PCNX1: variants seen among roughly 807,000 people sequenced by gnomAD.
PCNX1 encodes pecanex-like protein 1.
Under a neutral mutation model 242.2 loss-of-function variants are expected in PCNX1, and 78 were observed. That is an observed-to-expected ratio of 0.32 (90% confidence interval 0.27 to 0.39). The LOEUF is 0.39. PCNX1 is among the 10% of genes least tolerant of loss of function. The pLI, the probability that PCNX1 is intolerant of heterozygous loss-of-function variation, is 1.00. For synonymous variants in PCNX1, 1,024 were observed against 1,032.9 expected (o/e 0.99, Z 0.17); for missense variants, 2,581 against 2,856.5 (o/e 0.90, Z 2.20).
intron 7 of PCNX1, among the ~76,000 whole-genome samples, chr14:70,994,079 G>A (rs142299968): frequency 1.8e-4 from 28 of 152,120 alleles, no homozygotes; most frequent in Non-Finnish European, 3.8e-4. Context: ...TTTTTCATAT[G>A]TTGTGTGCAT....
At chr14:70,923,757 A>T (rs2056470128) in intron 1 of PCNX1, among the ~76,000 whole-genome samples, 1 of 152,120 alleles carries the variant, frequency 6.6e-6, no homozygotes, top group Non-Finnish European at 1.5e-5. Flanking sequence ...CATTGCCTGG[A>T]TGTATTATTT....
intron 1 of PCNX1, among the ~76,000 whole-genome samples, chr14:70,939,980 G>C (rs2057167816): frequency 6.6e-6 from 1 of 151,970 alleles, no homozygotes. Flanking sequence ...CATTTGCTTG[G>C]TAGATCTTCC....
chr14:70,938,561 G>A (rs944353324), intron 1 of PCNX1, among the ~76,000 whole-genome samples: 4 of 152,204 alleles, frequency 2.6e-5, no homozygotes, highest in Non-Finnish European at 5.9e-5. Context: ...TTGCATCAGT[G>A]TTCATCAAGG....
intron 8 of PCNX1, 63 bp from the exon 9 acceptor site, chr14:71,009,571 A>G: frequency 2.2e-6 from 2 of 927,878 alleles, no homozygotes; most frequent in Non-Finnish European, 3.2e-6. Context: ...GAAATTTAGT[A>G]TATCATGAAG....
At chr14:71,081,404 C>T (rs1182250905) in intron 28 of PCNX1, among the ~76,000 whole-genome samples, 1 of 151,824 alleles carries the variant, frequency 6.6e-6, no homozygotes, top group African/African-American at 2.4e-5. Context: ...GGGAGGAGTC[C>T]CTCTTTTTCT....
chr14:70,965,662 C>CA (rs11453401), intron 3 of PCNX1, among the ~76,000 whole-genome samples: 57,559 of 90,898 alleles, frequency 0.63, 17,275 homozygotes, highest in South Asian at 0.72. Flanking sequence ...GACTCCGTCT[C>CA]AAAAAAAAAA....
rs1347874993 is a variant in PCNX1 at position 71,057,578 on chromosome 14, G to C, written c.4706G>C (p.Cys1569Ser). 3.7e-6 allele frequency: 6 copies of C among 1,613,692 alleles called. No individual in the cohort carries two copies. The highest frequency in any genetic ancestry group is 4.2e-6 in the Non-Finnish European group (5 of 1,179,752). Residue 1569 changes from cysteine (C) to serine (S), a missense_variant, in exon 26 of 36, where the codon TGT (cysteine) becomes TCT (serine). Coordinates refer to ENST00000304743, the MANE Select transcript of PCNX1 (RefSeq NM_014982.3). ...HLTRSLQHSLCGDLLLGRWGN... is the reference protein window; with the variant it reads ...HLTRSLQHSLSGDLLLGRWGN... The stretch of plus-strand genomic sequence containing the variant: ...ACTAGATCCCTACAGCACAGCCTCT[G>C]TGGTGATTTGCTACTAGGACGGTGG...
At chr14:71,019,945 C>T (rs2060055797) in intron 12 of PCNX1, among the ~76,000 whole-genome samples, 1 of 151,930 alleles carries the variant, frequency 6.6e-6, no homozygotes. Context: ...ACCCTCCGCC[C>T]CCTGACGGAC....
At chr14:70,930,210 G>A (rs1476183437) in intron 1 of PCNX1, among the ~76,000 whole-genome samples, 2 of 152,058 alleles carry the variant, frequency 1.3e-5, no homozygotes, top group East Asian at 1.9e-4. Context: ...CACAGGTACA[G>A]TCATAGGACA....
intron 8 of PCNX1, among the ~76,000 whole-genome samples, chr14:71,009,104 T>A (rs2059750627): frequency 6.6e-6 from 1 of 152,244 alleles, no homozygotes; most frequent in South Asian, 2.1e-4. Context: ...CAAATAATGT[T>A]CATTAAATAA....
chr14:71,013,800 A>G (rs907411516), intron 11 of PCNX1, among the ~76,000 whole-genome samples: 4 of 152,204 alleles, frequency 2.6e-5, no homozygotes, highest in African/African-American at 9.7e-5. Flanking sequence ...GCTTTGAGAG[A>G]GTTTCTAGGC....
At chr14:70,987,940 A>G (rs1381467544) in intron 6 of PCNX1, among the ~76,000 whole-genome samples, 2 of 152,200 alleles carry the variant, frequency 1.3e-5, no homozygotes, top group African/African-American at 2.4e-5. Context: ...AGGGGCATGG[A>G]GTTGAATAAA....
intron 27 of PCNX1, among the ~76,000 whole-genome samples, chr14:71,074,859 G>A (rs374980341): frequency 2.2e-4 from 33 of 152,262 alleles, no homozygotes; most frequent in Middle Eastern, 6.8e-3. Flanking sequence ...TTTTGCTAAA[G>A]AGTTTACAGA....
intron 1 of PCNX1, among the ~76,000 whole-genome samples, chr14:70,942,168 C>G (rs1407948949): frequency 6.6e-6 from 1 of 152,148 alleles, no homozygotes; most frequent in African/African-American, 2.4e-5. Context: ...AACCCTGTAC[C>G]TCATTTGGAA....
chr14:71,019,752 A>G, intron 12 of PCNX1, among the ~76,000 whole-genome samples: 1 of 151,396 alleles, frequency 6.6e-6, no homozygotes. Context: ...TTTTTTTTTA[A>G]TAGTAGTAGT....
intron 1 of PCNX1, among the ~76,000 whole-genome samples, chr14:70,938,489 C>T (rs182679829): frequency 6.6e-5 from 10 of 152,284 alleles, no homozygotes; most frequent in African/African-American, 1.9e-4. Flanking sequence ...CCCACTTGAT[C>T]ATGGTGGATA....
intron 7 of PCNX1, 94 bp from the exon 8 acceptor site, chr14:70,995,647 C>CT (rs2059326882): frequency 1.7e-6 from 2 of 1,151,058 alleles, no homozygotes; most frequent in South Asian, 3.0e-5. Flanking sequence ...AAAAAAGTGC[C>CT]TTTTTGAAAT....
intron 6 of PCNX1, among the ~76,000 whole-genome samples, chr14:70,986,935 G>A (rs2059018620): frequency 6.6e-6 from 1 of 152,118 alleles, no homozygotes. Context: ...TTTTAAAATA[G>A]TGATTTAAAT....
Position 70,907,575 on chromosome 14 carries a change from A to G in PCNX1, c.-276A>G, listed in dbSNP as rs918857167. On this transcript the variant is annotated 5_prime_UTR_variant, in exon 1 of 36. Coordinates refer to ENST00000304743, the MANE Select transcript of PCNX1 (RefSeq NM_014982.3). ...GCCGCGGCTCCGGGTGTTAGGAGAC[A>G]AGATGGCGGCGGCTCTCAGAAGGCC... The G allele has an allele frequency of 5.3e-6, 1 of 188,986 alleles. No individual in the cohort carries two copies. Among genetic ancestry groups the G allele is most frequent in the Non-Finnish European group, 1.1e-5 (1 of 94,652 alleles). The allele number at this position is 188,986 out of a possible 1,614,324, so 11.7% of individuals were successfully genotyped here.
Sources: allele counts gnomAD v4.1 joint callset (sites outside exome capture counted in the v4.1 genomes callset), GRCh38; gene constraint gnomAD v4.1.1; transcripts MANE v1.5; gene names NCBI Gene and HGNC (gene_info 2026-07-23, HGNC 2026-07-21).